The following RB1 variants were observed in gnomAD, a reference collection of about 807,000 sequenced individuals.
RB1 encodes retinoblastoma-associated protein.
In RB1, 18 loss-of-function variants were observed where a neutral mutation model predicts 135.4. The observed-to-expected ratio is 0.13, with a 90% CI of 0.09 to 0.20. The LOEUF (loss-of-function observed/expected upper bound fraction) is 0.20, where lower values mean the gene tolerates loss of function less well. Among genes scored for constraint, RB1 ranks in the 10% least tolerant of loss-of-function variants. The pLI, the probability that RB1 is intolerant of heterozygous loss-of-function variation, is 1.00. For synonymous variants in RB1, 365 were observed against 373.2 expected (o/e 0.98, Z 0.25); for missense variants, 868 against 1,110.0 (o/e 0.78, Z 3.10).
chr13:48,317,080 G>T, intron 2 of RB1: 1 of 849,466 alleles, frequency 1.2e-6, no homozygotes. Flanking sequence ...CTTGGCCAGG[G>T]CCCGCCGTCC....
Position 48,368,602 on chromosome 13 carries a change from T to G in RB1, c.1125T>G (p.Val375=). ...ATGTAATTCCTCCACACACTCCAGT[T>G]AGGTATGAATTTTCCTACTTTTAAT... ...EVNVIPPHTP[V]RTVMNTIQQL... The change falls in exon 11 of 27, where the codon GTT becomes GTG. Residue 375 remains valine, a splice_region_variant and synonymous_variant. Transcript: ENST00000267163. 6.2e-7 allele frequency: 1 copy of G among 1,612,652 alleles called. No homozygotes were observed. The highest frequency in any genetic ancestry group is 8.5e-7 in the Non-Finnish European group (1 of 1,179,436).
chr13:48,379,626 A>G lies in RB1; in HGVS notation c.1365A>G (p.Arg455=), dbSNP rs1316896547. The G allele has an allele frequency of 1.2e-6, 2 of 1,612,610 alleles. No homozygotes were observed. The highest frequency in any genetic ancestry group is 1.7e-6 in the Non-Finnish European group (2 of 1,179,692). ...AACTTGGAGTTCGCTTGTATTACCG[A>G]GTAATGGAATCCATGCTTAAATCAG... ...RYKLGVRLYY[R]VMESMLKSEE... The change falls in exon 14 of 27, where the codon CGA becomes CGG. Residue 455 remains arginine, a synonymous_variant. Coordinates refer to ENST00000267163, the MANE Select transcript of RB1 (RefSeq NM_000321.3).
intron 2 of RB1, among the ~76,000 whole-genome samples, chr13:48,340,579 G>GAC (rs1347484961): frequency 1.0e-5 from 1 of 98,782 alleles, no homozygotes; most frequent in Non-Finnish European, 2.8e-5. Flanking sequence ...ATCTTTAAAA[G>GAC]AGAGAGAGAG....
At chr13:48,361,053 C>T (rs1952634408) in intron 7 of RB1, among the ~76,000 whole-genome samples, 1 of 151,124 alleles carries the variant, frequency 6.6e-6, no homozygotes, top group Non-Finnish European at 1.5e-5. Flanking sequence ...CAGAAACCTT[C>T]ATTTAGCAGA....
At chr13:48,404,111 T>G (rs71432983) in intron 17 of RB1, 2 of 152,320 alleles carry the variant, frequency 1.3e-5, no homozygotes, top group Admixed American at 1.3e-4. Context: ...TGAAGCCCCA[T>G]GCTGTTGTGC....
rs571823638 is a variant in RB1, at chr13:48,349,016, A to C, written c.600A>C (p.Leu200Phe). 1 of 1,598,106 alleles carries C rather than the reference A, an allele frequency of 6.3e-7. No individual in the cohort carries two copies. Among genetic ancestry groups the C allele is most frequent in the Admixed American group, 1.7e-5 (1 of 59,566 alleles). Reference sequence around the variant, plus strand: ...AAGTTTCTTGGATCACATTTTTATTAGCTAAAGGTAAGTTCATTATATTTA... The same window carrying C: ...AAGTTTCTTGGATCACATTTTTATTCGCTAAAGGTAAGTTCATTATATTTA... ...VLKVSWITFL[L>F]AKGEVLQMED... The change falls in exon 6 of 27, where the codon TTA becomes TTC. Residue 200 changes from leucine to phenylalanine, a missense_variant. Coordinates refer to ENST00000267163, the MANE Select transcript of RB1 (RefSeq NM_000321.3).
At chr13:48,336,476 G>C (rs2138075201) in intron 2 of RB1, among the ~76,000 whole-genome samples, 2 of 152,160 alleles carry the variant, frequency 1.3e-5, no homozygotes, top group Admixed American at 1.3e-4. Flanking sequence ...TTTGCGTAGA[G>C]GTGTTTATAG....
chr13:48,391,079 T>C (rs1684708046), intron 17 of RB1, among the ~76,000 whole-genome samples: 1 of 152,162 alleles, frequency 6.6e-6, no homozygotes, highest in Non-Finnish European at 1.5e-5. Context: ...ATTTTTAAAA[T>C]TCTGTTTTAT....
intron 17 of RB1, among the ~76,000 whole-genome samples, chr13:48,447,379 A>G (rs762341234): frequency 6.6e-5 from 10 of 152,272 alleles, no homozygotes; most frequent in African/African-American, 2.4e-4. Context: ...GCATTGTTAC[A>G]TTTATGGCTC....
chr13:48,413,476 A>T (rs74942095), intron 17 of RB1, among the ~76,000 whole-genome samples: 202 of 152,298 alleles, frequency 1.3e-3, no homozygotes, highest in African/African-American at 4.8e-3. Context: ...ATGGGTGTGT[A>T]TTTATAAATT....
At chr13:48,396,205 A>T (rs1402928804) in intron 17 of RB1, among the ~76,000 whole-genome samples, 1 of 152,222 alleles carries the variant, frequency 6.6e-6, no homozygotes, top group Non-Finnish European at 1.5e-5. Flanking sequence ...CTTAAGCAAA[A>T]AGAACAAAGC....
At chr13:48,333,101 G>C (rs1952351084) in intron 2 of RB1, 2 of 398,218 alleles carry the variant, frequency 5.0e-6, no homozygotes, top group Admixed American at 8.8e-5. Flanking sequence ...TGGAATGACT[G>C]ATGTAATCAC....
chr13:48,325,909 C>G (rs538858031), intron 2 of RB1, among the ~76,000 whole-genome samples: 32 of 152,166 alleles, frequency 2.1e-4, no homozygotes, highest in African/African-American at 6.5e-4. Context: ...TTTAAATTTG[C>G]TCATAGAATG....
intron 6 of RB1, among the ~76,000 whole-genome samples, chr13:48,353,122 A>C (rs1952562510): frequency 6.6e-6 from 1 of 152,202 alleles, no homozygotes; most frequent in Admixed American, 6.6e-5. Context: ...AAATAAATGA[A>C]ATTGCAATGA....
intron 17 of RB1, among the ~76,000 whole-genome samples, chr13:48,434,623 T>A (rs1469382005): frequency 1.3e-5 from 2 of 152,086 alleles, no homozygotes; most frequent in East Asian, 3.9e-4. Context: ...AGAGACACTA[T>A]TCAGGGGTTT....
chr13:48,444,863 G>C (rs1447219535), intron 17 of RB1: 2 of 152,334 alleles, frequency 1.3e-5, no homozygotes, highest in Admixed American at 6.5e-5. Context: ...AGGAGGGCAA[G>C]AGAAGGTCCG....
At position 48,319,767 on chromosome 13, in the gene RB1, C is replaced by A; in HGVS notation, c.264+12361C>A. 3.6e-6 allele frequency: 1 copy of A among 279,468 alleles called. No individual in the cohort carries two copies. The highest frequency in any genetic ancestry group is 4.8e-5 in the South Asian group (1 of 20,796). 17.3% of individuals were successfully genotyped at this position (279,468 alleles called of 1,614,324 possible). A position where few individuals can be genotyped will look rare whatever the true frequency, so the allele number is the denominator to read the frequency against. ...TATTGACCCCATCACATTTTTGGGT[C>A]GCATGCTATCTCTTCTCATTCAGAA... On this transcript the variant is annotated intron_variant, in intron 2 of 26. Transcript: ENST00000267163. The surrounding 1 kb of genome is among the most constrained non-coding windows in gnomAD (Gnocchi z 5.0).
intron 2 of RB1, among the ~76,000 whole-genome samples, chr13:48,327,019 T>C (rs534236525): frequency 6.6e-6 from 1 of 152,246 alleles, no homozygotes; most frequent in South Asian, 2.1e-4. Context: ...TGAGAGGCCA[T>C]TGGTCAATAT....
At chr13:48,416,005 T>G (rs1948902135) in intron 17 of RB1, among the ~76,000 whole-genome samples, 1 of 152,240 alleles carries the variant, frequency 6.6e-6, no homozygotes. Flanking sequence ...GATACTTTTG[T>G]ATTTGATAAA....
Sources: gnomAD v4.1 joint callset for allele counts (sites outside exome capture counted in the v4.1 genomes callset) on GRCh38, gnomAD v4.1.1 for gene constraint, Gnocchi (gnomAD v3.1) non-coding constraint, MANE v1.5 for transcripts, NCBI Gene and HGNC (gene_info 2026-07-23, HGNC 2026-07-21) for gene names.